RXFP2: variants seen among roughly 807,000 people sequenced by gnomAD.
RXFP2 encodes relaxin receptor 2.
In RXFP2, 68 loss-of-function variants were observed where a neutral mutation model predicts 88.6. The ratio of observed to expected loss-of-function variants is 0.77; its 90% CI spans 0.63 to 0.94. RXFP2 has a LOEUF of 0.94. Ranked by LOEUF, RXFP2 falls within the 40% of genes least tolerant of loss-of-function variation. RXFP2 has a pLI of 0.00. For synonymous variants in RXFP2, 329 were observed against 306.8 expected (o/e 1.07, Z -0.76); for missense variants, 791 against 893.9 (o/e 0.88, Z 1.47).
chr13:31,766,118 T>A, intron 5 of RXFP2, 91 bp downstream of exon 5: 1 of 726,652 alleles, frequency 1.4e-6, no homozygotes, highest in Non-Finnish European at 2.5e-6. Context: ...TTGTTTGTTA[T>A]CTTTATCATT....
At chr13:31,780,535 A>G (rs1873217682) in intron 9 of RXFP2, among the ~76,000 whole-genome samples, 1 of 152,200 alleles carries the variant, frequency 6.6e-6, no homozygotes, top group South Asian at 2.1e-4. Context: ...TTAAAATAGG[A>G]TTTTCTTAAA....
chr13:31,755,151 T>C (rs948813212), intron 1 of RXFP2, among the ~76,000 whole-genome samples: 6 of 152,194 alleles, frequency 3.9e-5, no homozygotes, highest in African/African-American at 1.4e-4. Flanking sequence ...GTCACACAGC[T>C]AGTGAGTGGC....
intron 14 of RXFP2, 86 bp from the exon 15 acceptor site, chr13:31,791,720 G>C: frequency 1.1e-6 from 1 of 884,388 alleles, no homozygotes; most frequent in Non-Finnish European, 1.9e-6. Context: ...TGTATACCTA[G>C]CATGGAGTTG....
intron 1 of RXFP2, among the ~76,000 whole-genome samples, chr13:31,748,225 G>A (rs928715294): frequency 6.6e-5 from 10 of 152,182 alleles, no homozygotes; most frequent in African/African-American, 2.4e-4. Context: ...ACATGTGCAT[G>A]AATTTCTATG....
At chr13:31,771,304 G>A (rs558746745) in intron 5 of RXFP2, among the ~76,000 whole-genome samples, 6 of 152,228 alleles carry the variant, frequency 3.9e-5, no homozygotes, top group Non-Finnish European at 7.3e-5. Context: ...AGCAGGAGGT[G>A]AGTGGTGAGC....
chr13:31,786,733 G>A (rs2138448698), intron 13 of RXFP2, 96 bp downstream of exon 13: 3 of 765,782 alleles, frequency 3.9e-6, no homozygotes, highest in East Asian at 5.3e-5. Context: ...ACAGGAGCAT[G>A]CATTTCAGAC....
intron 1 of RXFP2, among the ~76,000 whole-genome samples, chr13:31,749,952 A>G (rs915522303): frequency 6.6e-6 from 1 of 152,206 alleles, no homozygotes; most frequent in Non-Finnish European, 1.5e-5. Context: ...GAAACCCTTC[A>G]AAACCTCACT....
chr13:31,788,131 C>CAG (rs918701783), intron 13 of RXFP2, among the ~76,000 whole-genome samples: 2 of 122,960 alleles, frequency 1.6e-5, no homozygotes, highest in Non-Finnish European at 3.6e-5. Flanking sequence ...AGGACAGAGC[C>CAG]AGAGAGAAAA....
At chr13:31,761,955 T>C (rs946952996) in intron 3 of RXFP2, among the ~76,000 whole-genome samples, 154 bp downstream of exon 3, 5 of 152,240 alleles carry the variant, frequency 3.3e-5, no homozygotes, top group African/African-American at 9.6e-5. Context: ...CTGCCTGTGA[T>C]TGGAAAGATA....
intron 4 of RXFP2, among the ~76,000 whole-genome samples, chr13:31,765,601 T>A (rs575132488): frequency 1.6e-4 from 24 of 152,266 alleles, no homozygotes; most frequent in African/African-American, 5.5e-4. Flanking sequence ...GCCTCAGGAA[T>A]TTGCAGTCAT....
In RXFP2 at chr13:31,779,021, T is replaced by G. The variant is rs189262627; in HGVS notation, c.785+438T>G. 1.8e-3 allele frequency among the ~76,000 whole-genome samples: 280 copies of G among 151,972 alleles called. 2 individuals are homozygous for G. Among genetic ancestry groups the G allele is most frequent in the Admixed American group, 3.7e-3 (56 of 15,264 alleles). ...CCAGTTTCAGCAGCCACCTATGTACTCCCACACATTACATCATCTACAAAA... is the reference window on the plus strand; with the variant it reads ...CCAGTTTCAGCAGCCACCTATGTACGCCCACACATTACATCATCTACAAAA... On this transcript the variant is annotated intron_variant, in intron 9 of 17. Transcript: ENST00000298386.
chr13:31,783,808 GTTTGTTTTGT>G (rs1555284958), intron 11 of RXFP2, among the ~76,000 whole-genome samples: 1 of 77,774 alleles, frequency 1.3e-5, no homozygotes, highest in Non-Finnish European at 2.8e-5. Flanking sequence ...TTGTTTGTTT[GTTTGTTTTGT>G]TTTGTTTTGT....
intron 10 of RXFP2, among the ~76,000 whole-genome samples, chr13:31,782,320 G>T (rs1335404697): frequency 6.6e-6 from 1 of 152,166 alleles, no homozygotes; most frequent in African/African-American, 2.4e-5. Flanking sequence ...TTTAATGATA[G>T]TTTTCCACAT....
intron 9 of RXFP2, among the ~76,000 whole-genome samples, chr13:31,780,505 C>A (rs1248270479): frequency 1.3e-5 from 2 of 152,194 alleles, no homozygotes; most frequent in African/African-American, 2.4e-5. Context: ...CAAGTTCCTA[C>A]ACAAATCTCC....
chr13:31,747,306 TC>T (rs1871466014), intron 1 of RXFP2, among the ~76,000 whole-genome samples: 1 of 152,098 alleles, frequency 6.6e-6, no homozygotes, highest in Non-Finnish European at 1.5e-5. Flanking sequence ...TTGCCACCGC[TC>T]CTCTTCCCTA....
At chr13:31,795,329 T>C (rs918981765) in intron 16 of RXFP2, among the ~76,000 whole-genome samples, 1 of 152,072 alleles carries the variant, frequency 6.6e-6, no homozygotes, top group African/African-American at 2.4e-5. Context: ...TTTATATTTT[T>C]AGTAGAGTCC....
At chr13:31,786,320 G>T in intron 11 of RXFP2, 63 bp from the exon 12 acceptor site, 1 of 1,072,362 alleles carries the variant, frequency 9.3e-7, no homozygotes, top group Non-Finnish European at 1.5e-6. Context: ...ATAATTGTGA[G>T]GAGTAATAAG....
chr13:31,785,271 T>TTGTC (rs1403200958), intron 11 of RXFP2, among the ~76,000 whole-genome samples: 1 of 152,078 alleles, frequency 6.6e-6, no homozygotes, highest in Admixed American at 6.6e-5. Flanking sequence ...CTTTCCCATT[T>TTGTC]TGTCTCCACG....
chr13:31,767,451 CACA>C (rs1872591151), intron 5 of RXFP2, among the ~76,000 whole-genome samples: 1 of 152,232 alleles, frequency 6.6e-6, no homozygotes, highest in Non-Finnish European at 1.5e-5. Context: ...TCCCTAAAAT[CACA>C]ACATGTTCAT....
Sources: gnomAD v4.1 joint callset for allele counts (sites outside exome capture counted in the v4.1 genomes callset) on GRCh38, gnomAD v4.1.1 for gene constraint, MANE v1.5 for transcripts, NCBI Gene and HGNC (gene_info 2026-07-23, HGNC 2026-07-21) for gene names.